The following PITPNB variants were observed in gnomAD, a reference collection of about 807,000 sequenced individuals.
PITPNB encodes the protein phosphatidylinositol transfer protein beta, also known as phosphatidylinositol transfer protein beta isoform.
In PITPNB, 16 loss-of-function variants were observed where a neutral mutation model predicts 45.9. That is an observed-to-expected ratio of 0.35 (90% CI 0.24 to 0.53). PITPNB has a LOEUF of 0.53. PITPNB is among the 20% of genes least tolerant of loss of function. The pLI, the probability that PITPNB is intolerant of heterozygous loss-of-function variation, is 0.93. For synonymous variants in PITPNB, 112 were observed against 108.9 expected, an observed-to-expected ratio of 1.03 and a Z score of -0.18; for missense variants, 188 against 330.5, an observed-to-expected ratio of 0.57 and a Z score of 3.34.
intron 7 of PITPNB, among the ~76,000 whole-genome samples, chr22:27,891,807 A>AC (rs1481282407): frequency 6.6e-5 from 10 of 152,122 alleles, no homozygotes; most frequent in African/African-American, 2.4e-4. Flanking sequence ...ATTATAAATT[A>AC]CCCAGTCATG....
chr22:27,862,045 C>T (rs1934350793), intron 8 of PITPNB, among the ~76,000 whole-genome samples: 1 of 152,160 alleles, frequency 6.6e-6, no homozygotes, highest in Non-Finnish European at 1.5e-5. Flanking sequence ...TCCCTCTTCA[C>T]CACTGTCCCT....
At chr22:27,911,772 A>C (rs1935931489) in intron 2 of PITPNB, among the ~76,000 whole-genome samples, 1 of 152,216 alleles carries the variant, frequency 6.6e-6, no homozygotes, top group African/African-American at 2.4e-5. Context: ...TCCTCAAGTA[A>C]AGAGAACAAA....
At chr22:27,903,291 G>T (rs940529052) in intron 3 of PITPNB, among the ~76,000 whole-genome samples, 23 of 151,952 alleles carry the variant, frequency 1.5e-4, no homozygotes, top group East Asian at 5.8e-4. Flanking sequence ...CCAACATGGA[G>T]AAACCCCGTC....
rs972631261 is a variant in PITPNB at position 27,897,236 on chromosome 22, TAAACTATCTGA to T, written c.290-110_290-100del. On this transcript the variant is annotated intron_variant, in intron 4 of 11. Coordinates refer to ENST00000335272, the MANE Select transcript of PITPNB (RefSeq NM_012399.5). Reference sequence around the variant, plus strand: ...TCCCAATACTTAATGTCACAAAGACTAAACTATCTGAAAACAGAACATTTATTTAGTAATTT... The same window carrying T: ...TCCCAATACTTAATGTCACAAAGACTAAACAGAACATTTATTTAGTAATTT... The T allele has an allele frequency of 1.8e-5, 15 of 826,140 alleles. No individual in the cohort carries two copies. The African/African-American group carries it at 2.5e-4, about 14-fold the overall frequency. 51.2% of individuals were successfully genotyped at this position (826,140 alleles called of 1,614,324 possible).
intron 1 of PITPNB, among the ~76,000 whole-genome samples, chr22:27,914,609 G>A (rs1177157475): frequency 1.3e-5 from 2 of 152,102 alleles, no homozygotes; most frequent in African/African-American, 4.8e-5. Context: ...AGATTCTTGT[G>A]AGTAAAGAAA....
In PITPNB at chr22:27,852,811, A is replaced by G. The variant is rs1357173311; in HGVS notation, c.*891T>C. ...CACAGCCTACAATCCTATTAAGACT[A>G]ATTTCTTCATCAATGTGTTTGTCTA... On this transcript the variant is annotated 3_prime_UTR_variant, in exon 12 of 12. Coordinates refer to ENST00000335272, the MANE Select transcript of PITPNB (RefSeq NM_012399.5). The G allele has an allele frequency of 6.6e-6, 1 of 152,644 alleles. No homozygotes were observed. The allele number at this position is 152,644 out of a possible 1,614,324, so 9.5% of individuals were successfully genotyped here. A position where few individuals can be genotyped will look rare whatever the true frequency, so the allele number is the denominator to read the frequency against.
At chr22:27,865,277 T>C (rs977825042) in intron 8 of PITPNB, among the ~76,000 whole-genome samples, 3 of 152,266 alleles carry the variant, frequency 2.0e-5, no homozygotes, top group East Asian at 3.8e-4. Context: ...CTGGGTACTA[T>C]TTCAAGTCTT....
chr22:27,891,574 T>C (rs1456386849), intron 7 of PITPNB, among the ~76,000 whole-genome samples: 1 of 152,158 alleles, frequency 6.6e-6, no homozygotes, highest in African/African-American at 2.4e-5. Flanking sequence ...GTGATCCCCA[T>C]GTGTCAAGGA....
intron 3 of PITPNB, among the ~76,000 whole-genome samples, chr22:27,900,181 C>T (rs528025165): frequency 1.1e-4 from 16 of 146,460 alleles, no homozygotes; most frequent in Non-Finnish European, 1.9e-4. Flanking sequence ...GCATGGGTGA[C>T]ATAGCAAGAC....
intron 7 of PITPNB, 130 bp from the exon 8 acceptor site, chr22:27,873,945 A>G (rs111810203): frequency 5.1e-5 from 32 of 626,898 alleles, no homozygotes; most frequent in African/African-American, 3.8e-4. Flanking sequence ...CTTTTGCGTA[A>G]AAGTAGAAAA....
intron 6 of PITPNB, 112 bp downstream of exon 6, chr22:27,896,440 T>G: frequency 1.3e-6 from 1 of 761,396 alleles, no homozygotes; most frequent in Non-Finnish European, 2.3e-6. Context: ...TTGACACAGC[T>G]TGGTGCGGTC....
intron 7 of PITPNB, among the ~76,000 whole-genome samples, chr22:27,883,144 A>C (rs945950325): frequency 7.2e-5 from 11 of 152,190 alleles, no homozygotes; most frequent in African/African-American, 2.7e-4. Flanking sequence ...ACTAGGGAAG[A>C]GGGATGGAAG....
chr22:27,858,280 T>C, intron 10 of PITPNB, 107 bp downstream of exon 10: 1 of 862,536 alleles, frequency 1.2e-6, no homozygotes. Flanking sequence ...GAATAGGGAA[T>C]GATTTTTAAC....
intron 7 of PITPNB, among the ~76,000 whole-genome samples, chr22:27,876,504 G>C (rs1934823919): frequency 6.6e-6 from 1 of 152,150 alleles, no homozygotes; most frequent in Non-Finnish European, 1.5e-5. Context: ...AGGAATTTCT[G>C]TTTTACGTTA....
chr22:27,905,238 C>G (rs894182204), intron 3 of PITPNB, among the ~76,000 whole-genome samples: 9 of 152,216 alleles, frequency 5.9e-5, no homozygotes, highest in African/African-American at 2.2e-4. Context: ...ACCTCCACCT[C>G]CCAGGTTCAA....
At chr22:27,882,685 G>A (rs1484849390) in intron 7 of PITPNB, among the ~76,000 whole-genome samples, 5 of 152,200 alleles carry the variant, frequency 3.3e-5, no homozygotes, top group Admixed American at 1.3e-4. Flanking sequence ...TCGTGGCTCC[G>A]ATTAGTCTTT....
At chr22:27,879,983 T>C (rs1934922946) in intron 7 of PITPNB, among the ~76,000 whole-genome samples, 1 of 152,182 alleles carries the variant, frequency 6.6e-6, no homozygotes, top group African/African-American at 2.4e-5. Flanking sequence ...TAAACATTTT[T>C]TTAAAGTAAG....
intron 8 of PITPNB, among the ~76,000 whole-genome samples, chr22:27,863,333 A>G (rs189197883): frequency 8.9e-4 from 136 of 152,318 alleles, no homozygotes; most frequent in Middle Eastern, 3.4e-3. Flanking sequence ...TGAGCGAACT[A>G]AGGTCCTTGA....
In PITPNB at chr22:27,864,065, G is replaced by A. The variant is rs954918929; in HGVS notation, c.535-3824C>T. 3.9e-5 allele frequency among the ~76,000 whole-genome samples: 6 copies of A among 152,060 alleles called. No individual in the cohort carries two copies. The East Asian group carries it at 5.8e-4, about 15-fold the overall frequency. On this transcript the variant is annotated intron_variant, in intron 8 of 11. Transcript: ENST00000335272. ...TTAAAAACCCTTCAGAGAAGAACAC[G>A]TACCCAACTAAAAAACAAACAACTA...
Sources: allele counts gnomAD v4.1 joint callset (sites outside exome capture counted in the v4.1 genomes callset), GRCh38; gene constraint gnomAD v4.1.1; transcripts MANE v1.5; gene names NCBI Gene and HGNC (gene_info 2026-07-23, HGNC 2026-07-21).